ADGRB3: variants seen among roughly 807,000 people sequenced by gnomAD.
The protein encoded by ADGRB3 is brain-specific angiogenesis inhibitor 3.
ADGRB3 carries 37 observed loss-of-function variants against 193.4 expected under a neutral mutation model. The ratio of observed to expected loss-of-function variants is 0.19; its 90% confidence interval spans 0.15 to 0.25. The LOEUF (loss-of-function observed/expected upper bound fraction) is 0.25. Among genes scored for constraint, ADGRB3 ranks in the 10% least tolerant of loss-of-function variants. The pLI, the probability that ADGRB3 is intolerant of heterozygous loss-of-function variation, is 1.00. For synonymous variants in ADGRB3, 690 were observed against 644.2 expected, an observed-to-expected ratio of 1.07 and a Z score of -1.08; for missense variants, 1,637 against 1,852.9, an observed-to-expected ratio of 0.88 and a Z score of 2.14.
intron 20 of ADGRB3, among the ~76,000 whole-genome samples, chr6:69,287,987 T>A (rs1333806065): frequency 6.6e-6 from 1 of 152,190 alleles, no homozygotes; most frequent in East Asian, 1.9e-4. Flanking sequence ...TCATTTTGTT[T>A]TGTTATGTGG....
chr6:68,970,290 CT>C lies in ADGRB3; in HGVS notation c.1526-4460del, dbSNP rs532241709. 8.0e-3 allele frequency among the ~76,000 whole-genome samples: 1,153 copies of C among 144,230 alleles called. 5 individuals carry two copies. Among genetic ancestry groups the C allele is most frequent in the African/African-American group, 0.018 (725 of 39,526 alleles). 94.6% of individuals were successfully genotyped at this position (144,230 alleles called of 152,430 possible). A position where few individuals can be genotyped will look rare whatever the true frequency, so the allele number is the denominator to read the frequency against. On this transcript the variant is annotated intron_variant, in intron 8 of 31. Transcript: ENST00000370598. ...GCAGACTACTTTTCTTTTCTTCTTT[CT>C]TTTTTTTTTTTTAAATGGAATCTTG...
intron 28 of ADGRB3, among the ~76,000 whole-genome samples, chr6:69,359,674 G>GA (rs1173084162): frequency 1.3e-5 from 2 of 151,628 alleles, no homozygotes. Flanking sequence ...GATAATAATG[G>GA]AAAAAAATCA....
intron 4 of ADGRB3, among the ~76,000 whole-genome samples, chr6:68,935,565 CTT>C (rs1409166302): frequency 1.3e-5 from 2 of 152,044 alleles, no homozygotes; most frequent in Admixed American, 1.3e-4. Context: ...AAATGGTTAA[CTT>C]AAGTAGTTAA....
chr6:69,173,835 G>A (rs574626396), intron 17 of ADGRB3, among the ~76,000 whole-genome samples: 126 of 152,286 alleles, frequency 8.3e-4, no homozygotes, highest in Non-Finnish European at 1.5e-3. Context: ...CTGAGCAAAT[G>A]AAACAATGAT....
chr6:69,262,890 A>G (rs1766959429), intron 20 of ADGRB3, among the ~76,000 whole-genome samples: 1 of 151,980 alleles, frequency 6.6e-6, no homozygotes, highest in South Asian at 2.1e-4. Flanking sequence ...TGAGGGTCTT[A>G]AAACATATTC....
intron 3 of ADGRB3, among the ~76,000 whole-genome samples, chr6:68,783,540 A>G (rs149949263): frequency 6.6e-6 from 1 of 151,870 alleles, no homozygotes; most frequent in East Asian, 1.9e-4. Flanking sequence ...GAATATCAGT[A>G]TCAACACTGT....
At chr6:69,061,049 A>G (rs1168160523) in intron 15 of ADGRB3, among the ~76,000 whole-genome samples, 1 of 151,370 alleles carries the variant, frequency 6.6e-6, no homozygotes, top group Non-Finnish European at 1.5e-5. Context: ...TGTACCTTCA[A>G]TTGACTCATT....
At chr6:69,110,335 T>C (rs1011064512) in intron 17 of ADGRB3, among the ~76,000 whole-genome samples, 7 of 152,206 alleles carry the variant, frequency 4.6e-5, no homozygotes, top group Non-Finnish European at 7.3e-5. Flanking sequence ...TTCCATGTGC[T>C]GAGTTAAAGA....
At chr6:69,135,624 A>G (rs956663987) in intron 17 of ADGRB3, among the ~76,000 whole-genome samples, 2 of 151,990 alleles carry the variant, frequency 1.3e-5, no homozygotes, top group South Asian at 4.1e-4. Flanking sequence ...GGCAAGTTAA[A>G]CTCATTAATT....
intron 13 of ADGRB3, among the ~76,000 whole-genome samples, chr6:69,030,507 A>AC (rs1770611107): frequency 6.6e-6 from 1 of 152,134 alleles, no homozygotes; most frequent in South Asian, 2.1e-4. Flanking sequence ...TAGCAAACTA[A>AC]CACAAGAACA....
At chr6:68,899,929 G>A (rs769391698) in intron 3 of ADGRB3, among the ~76,000 whole-genome samples, 23 of 151,824 alleles carry the variant, frequency 1.5e-4, no homozygotes, top group African/African-American at 4.1e-4. Flanking sequence ...AAAATCAGGC[G>A]TTCAGTAGCT....
At chr6:69,146,943 A>G (rs1774518937) in intron 17 of ADGRB3, among the ~76,000 whole-genome samples, 1 of 146,884 alleles carries the variant, frequency 6.8e-6, no homozygotes, top group Admixed American at 7.1e-5. Flanking sequence ...TCGTTCATAT[A>G]TAGTTGCCGA....
chr6:68,644,979 G>A (rs1212437083), intron 3 of ADGRB3, among the ~76,000 whole-genome samples: 1 of 152,062 alleles, frequency 6.6e-6, no homozygotes, highest in African/African-American at 2.4e-5. Flanking sequence ...TTAAAATCCA[G>A]CTTTTTGCAT....
chr6:69,116,303 G>A (rs547826772), intron 17 of ADGRB3, among the ~76,000 whole-genome samples: 2 of 152,228 alleles, frequency 1.3e-5, no homozygotes, highest in African/African-American at 4.8e-5. Flanking sequence ...TCATAACCTA[G>A]CCAAGCCAAT....
At chr6:68,766,950 T>C (rs1171628287) in intron 3 of ADGRB3, among the ~76,000 whole-genome samples, 1 of 152,064 alleles carries the variant, frequency 6.6e-6, no homozygotes, top group Non-Finnish European at 1.5e-5. Flanking sequence ...CAAAAAAAAT[T>C]GTTATTACAC....
intron 3 of ADGRB3, among the ~76,000 whole-genome samples, chr6:68,910,013 G>C (rs1470017456): frequency 2.6e-5 from 4 of 152,150 alleles, no homozygotes; most frequent in African/African-American, 9.7e-5. Context: ...GTAGTTTACA[G>C]TCCCACCAAC....
rs143119344 is a variant in ADGRB3 at position 68,845,438 on chromosome 6, A to G, written c.758-85121A>G. Among the ~76,000 whole-genome samples the G allele has an allele frequency of 1.0e-3, 158 of 152,168 alleles. 1 individual carries two copies. The Middle Eastern group carries it at 0.024, about 23-fold the overall frequency. On this transcript the variant is annotated intron_variant, in intron 3 of 31. Coordinates refer to ENST00000370598, the MANE Select transcript of ADGRB3 (RefSeq NM_001704.3). Reference sequence around the variant, plus strand: ...AAAGACCAGCCCTGGGGAAATGCTGATTTCTGATGTCTGGCTTCTGTAACT... The same window carrying G: ...AAAGACCAGCCCTGGGGAAATGCTGGTTTCTGATGTCTGGCTTCTGTAACT...
chr6:69,353,286 A>G (rs1334467175), intron 26 of ADGRB3, among the ~76,000 whole-genome samples: 2 of 152,222 alleles, frequency 1.3e-5, no homozygotes, highest in Non-Finnish European at 2.9e-5. Flanking sequence ...GAATTTGATT[A>G]TAAATGGATA....
chr6:69,003,545 C>T (rs1297066005), intron 11 of ADGRB3, among the ~76,000 whole-genome samples: 1 of 152,062 alleles, frequency 6.6e-6, no homozygotes, highest in Non-Finnish European at 1.5e-5. Context: ...CAGTAGCTCC[C>T]AGCCAACAAT....
Sources: allele counts gnomAD v4.1 joint callset (sites outside exome capture counted in the v4.1 genomes callset), GRCh38; gene constraint gnomAD v4.1.1; transcripts MANE v1.5; gene names NCBI Gene and HGNC (gene_info 2026-07-23, HGNC 2026-07-21).